Variants in NRXN1 observed in about 807,000 individuals in gnomAD.
The protein encoded by NRXN1 is neurexin 1.
NRXN1 carries 39 observed loss-of-function variants against 150.9 expected under a neutral mutation model. The observed-to-expected ratio is 0.26, with a 90% CI of 0.20 to 0.34. The LOEUF (loss-of-function observed/expected upper bound fraction) is 0.34. Ranked by LOEUF, NRXN1 falls within the 10% of genes least tolerant of loss-of-function variation. NRXN1 has a pLI of 1.00. For missense variants in NRXN1, 1,815 were observed against 1,949.9 expected (o/e 0.93, Z 1.30); for synonymous variants, 924 against 757.0 (o/e 1.22, Z -3.62).
At chr2:50,011,677 C>G (rs908874289) in intron 21 of NRXN1, among the ~76,000 whole-genome samples, 2 of 151,948 alleles carry the variant, frequency 1.3e-5, no homozygotes, top group African/African-American at 4.8e-5. Context: ...ATTGAGATCT[C>G]TAGGTATAGA....
chr2:50,020,116 A>T (rs1194737647), intron 21 of NRXN1, among the ~76,000 whole-genome samples: 4 of 151,982 alleles, frequency 2.6e-5, no homozygotes, highest in African/African-American at 9.7e-5. Flanking sequence ...CAGACTAGGC[A>T]CTCCTCATTT....
At chr2:50,868,919 C>A (rs1016082862) in intron 5 of NRXN1, among the ~76,000 whole-genome samples, 2 of 151,778 alleles carry the variant, frequency 1.3e-5, no homozygotes, top group Non-Finnish European at 2.9e-5. Context: ...AAAAGCTTAT[C>A]ATCTTGAAAA....
At chr2:50,278,314 AT>A (rs2152929930) in intron 17 of NRXN1, among the ~76,000 whole-genome samples, 2 of 125,934 alleles carry the variant, frequency 1.6e-5, no homozygotes, top group Admixed American at 9.1e-5. Context: ...TTTTATATAT[AT>A]ATTATATATA....
At chr2:49,979,179 C>T (rs570869426) in intron 21 of NRXN1, among the ~76,000 whole-genome samples, 66 of 152,290 alleles carry the variant, frequency 4.3e-4, no homozygotes, top group Middle Eastern at 6.8e-3. Flanking sequence ...CACCTGTAAT[C>T]TCAGCTACTT....
At chr2:50,013,936 C>G (rs1431146299) in intron 21 of NRXN1, among the ~76,000 whole-genome samples, 1 of 151,900 alleles carries the variant, frequency 6.6e-6, no homozygotes, top group East Asian at 1.9e-4. Flanking sequence ...AATGCTAAAG[C>G]TAGGTGAGTT....
chr2:50,702,559 A>C (rs1428387082), intron 5 of NRXN1, among the ~76,000 whole-genome samples: 1 of 150,802 alleles, frequency 6.6e-6, no homozygotes, highest in Admixed American at 6.6e-5. Context: ...CATTTTTTTG[A>C]ATTTATAATG....
chr2:50,347,341 C>G lies in NRXN1; in HGVS notation c.3365-110371G>C. The G allele has an allele frequency of 1.6e-6, 2 of 1,237,548 alleles. No individual in the cohort carries two copies. The highest frequency in any genetic ancestry group is 1.2e-4 in the East Asian group (2 of 17,096). The allele number at this position is 1,237,548 out of a possible 1,614,324, so 76.7% of individuals were successfully genotyped here. A position where few individuals can be genotyped will look rare whatever the true frequency, so the allele number is the denominator to read the frequency against. On this transcript the variant is annotated intron_variant, in intron 17 of 22. Transcript: ENST00000401669. The surrounding 1 kb of genome is among the most constrained non-coding windows in gnomAD (Gnocchi z 4.9). Reference sequence around the variant, plus strand: ...GGCCGAGAAATTGTTTAAAGCTCCTCCTGGAAGGTCCTCACTTCTACATGA... The same window carrying G: ...GGCCGAGAAATTGTTTAAAGCTCCTGCTGGAAGGTCCTCACTTCTACATGA...
At chr2:50,796,348 A>G (rs1706825789) in intron 5 of NRXN1, among the ~76,000 whole-genome samples, 1 of 152,182 alleles carries the variant, frequency 6.6e-6, no homozygotes, top group South Asian at 2.1e-4. Context: ...TCTGTTCTGA[A>G]CATAAGCAAT....
At chr2:50,456,594 A>G (rs1222854947) in intron 17 of NRXN1, among the ~76,000 whole-genome samples, 2 of 152,114 alleles carry the variant, frequency 1.3e-5, no homozygotes, top group African/African-American at 2.4e-5. Flanking sequence ...TTTCCTTCAC[A>G]GTAATATTTT....
At chr2:50,506,256 A>G (rs954449713) in intron 13 of NRXN1, among the ~76,000 whole-genome samples, 3 of 152,190 alleles carry the variant, frequency 2.0e-5, no homozygotes, top group Admixed American at 6.5e-5. Flanking sequence ...AAAATATATT[A>G]TAATTTCTTC....
chr2:50,952,489 T>G (rs1365367025), intron 2 of NRXN1, among the ~76,000 whole-genome samples: 2 of 151,886 alleles, frequency 1.3e-5, no homozygotes, highest in Non-Finnish European at 2.9e-5. Flanking sequence ...GCCCAATTAT[T>G]TCAACAAGTT....
chr2:50,587,712 AT>A (rs2103751893), intron 8 of NRXN1, among the ~76,000 whole-genome samples: 1 of 152,298 alleles, frequency 6.6e-6, no homozygotes, highest in South Asian at 2.1e-4. Flanking sequence ...TCAAAAGTAA[AT>A]TGTTTAAATG....
rs1029854698 is a variant in NRXN1, at chr2:50,043,405, C to T, written c.4128+9866G>A. On this transcript the variant is annotated intron_variant, in intron 21 of 22. Coordinates refer to ENST00000401669, the MANE Select transcript of NRXN1 (RefSeq NM_001330078.2). ...CCCTGTCAAGAAACATTACCAACTG[C>T]TAGTTAATGCTGTGCACGGAAAAGT... 4.6e-5 allele frequency among the ~76,000 whole-genome samples: 7 copies of T among 152,184 alleles called. 1 individual carries two copies. In the East Asian group the frequency reaches 9.6e-4, roughly 21 times the overall value.
intron 5 of NRXN1, among the ~76,000 whole-genome samples, chr2:50,783,106 A>G (rs1704582772): frequency 6.6e-6 from 1 of 152,190 alleles, no homozygotes; most frequent in Non-Finnish European, 1.5e-5. Flanking sequence ...TAATTTGGTC[A>G]AGATCATGCA....
chr2:50,209,844 G>T (rs1045871814), intron 18 of NRXN1, among the ~76,000 whole-genome samples: 4 of 137,132 alleles, frequency 2.9e-5, no homozygotes, highest in Non-Finnish European at 4.6e-5. Context: ...AATCTCAGTT[G>T]TACTTAAAGC....
rs141023240 is a variant in NRXN1, at chr2:50,900,447, T to C, written c.832+21422A>G. On this transcript the variant is annotated intron_variant, in intron 5 of 22. Coordinates refer to ENST00000401669, the MANE Select transcript of NRXN1 (RefSeq NM_001330078.2). ...GGTCTAAGTCAGTTTTACTTTCTATTATAAGCATATTTGTCAGTATCAATT... is the reference window on the plus strand; with the variant it reads ...GGTCTAAGTCAGTTTTACTTTCTATCATAAGCATATTTGTCAGTATCAATT... 3.7e-3 allele frequency among the ~76,000 whole-genome samples: 558 copies of C among 152,264 alleles called. 4 individuals are homozygous for C. The highest frequency in any genetic ancestry group is 0.013 in the African/African-American group (521 of 41,556).
intron 5 of NRXN1, among the ~76,000 whole-genome samples, chr2:50,740,211 G>C (rs1246898539): frequency 2.0e-5 from 3 of 152,178 alleles, no homozygotes; most frequent in Non-Finnish European, 4.4e-5. Flanking sequence ...CATGAGTCTT[G>C]ATTAGCCAAG....
intron 22 of NRXN1, among the ~76,000 whole-genome samples, chr2:49,937,150 G>A (rs1465716843): frequency 6.6e-6 from 1 of 152,150 alleles, no homozygotes; most frequent in African/African-American, 2.4e-5. Context: ...AACTTTAGTG[G>A]GCTCCATGCT....
intron 17 of NRXN1, among the ~76,000 whole-genome samples, chr2:50,308,777 A>T (rs1193367980): frequency 6.6e-6 from 1 of 152,202 alleles, no homozygotes; most frequent in Non-Finnish European, 1.5e-5. Flanking sequence ...CAGGCATCAT[A>T]CATGATGCTA....
Sources: gnomAD v4.1 joint callset for allele counts (sites outside exome capture counted in the v4.1 genomes callset) on GRCh38, gnomAD v4.1.1 for gene constraint, Gnocchi (gnomAD v3.1) non-coding constraint, MANE v1.5 for transcripts, NCBI Gene and HGNC (gene_info 2026-07-23, HGNC 2026-07-21) for gene names.